The following SPAG17 variants were observed in gnomAD, a reference collection of about 807,000 sequenced individuals.
SPAG17 encodes sperm associated antigen 17, also known as sperm-associated antigen 17.
Under a neutral mutation model 273.6 loss-of-function variants are expected in SPAG17, and 169 were observed. The ratio of observed to expected loss-of-function variants is 0.62; its 90% confidence interval spans 0.55 to 0.70. The LOEUF is 0.70. SPAG17 is among the 30% of genes least tolerant of loss of function. SPAG17 has a pLI of 0.00. For missense variants in SPAG17, 2,557 were observed against 2,627.8 expected (o/e 0.97, Z 0.59); for synonymous variants, 825 against 873.2 (o/e 0.94, Z 0.97).
chr1:117,992,474 A>T lies in SPAG17; in HGVS notation c.5353T>A (p.Ser1785Thr). Reference protein sequence around the residue: ...KNEVKLRLQVSLKDYINYILK... With the variant: ...KNEVKLRLQVTLKDYINYILK... ...CACCTAGATTCCATTACCTTAAGGGAAACCTGCAGCCTCAGTTTCACCTCA... is the reference window on the plus strand; with the variant it reads ...CACCTAGATTCCATTACCTTAAGGGTAACCTGCAGCCTCAGTTTCACCTCA... The change falls in exon 36 of 49, where the codon TCC (serine) becomes ACC (threonine). Residue 1785 changes from serine (S) to threonine (T), a missense_variant. Coordinates refer to ENST00000336338, the MANE Select transcript of SPAG17 (RefSeq NM_206996.4). The T allele has an allele frequency of 1.9e-6, 3 of 1,607,890 alleles. No individual in the cohort carries two copies. Among genetic ancestry groups the T allele is most frequent in the Non-Finnish European group, 2.5e-6 (3 of 1,177,948 alleles).
chr1:118,110,260 A>G (rs1373476338), intron 4 of SPAG17, among the ~76,000 whole-genome samples: 1 of 152,218 alleles, frequency 6.6e-6, no homozygotes, highest in Non-Finnish European at 1.5e-5. Context: ...TAGAGTGGAC[A>G]CTGTGATAAT....
intron 21 of SPAG17, among the ~76,000 whole-genome samples, 181 bp downstream of exon 21, chr1:118,041,622 T>C (rs1005689170): frequency 6.6e-6 from 1 of 152,054 alleles, no homozygotes; most frequent in Non-Finnish European, 1.5e-5. Flanking sequence ...ATCTTGATGA[T>C]TGGTTAGAAA....
intron 43 of SPAG17, among the ~76,000 whole-genome samples, chr1:117,980,954 A>G (rs181601640): frequency 2.2e-4 from 33 of 152,220 alleles, no homozygotes; most frequent in Non-Finnish European, 4.6e-4. Context: ...GTGTCATCTG[A>G]TCTTCAATAA....
intron 3 of SPAG17, among the ~76,000 whole-genome samples, chr1:118,132,670 T>C (rs1658117359): frequency 6.6e-6 from 1 of 152,218 alleles, no homozygotes; most frequent in African/African-American, 2.4e-5. Flanking sequence ...TATTCTAATT[T>C]AGACAGAGGC....
chr1:117,977,483 C>T (rs1165478021), intron 43 of SPAG17, among the ~76,000 whole-genome samples: 1 of 152,178 alleles, frequency 6.6e-6, no homozygotes, highest in African/African-American at 2.4e-5. Flanking sequence ...CTCCAGGTTT[C>T]AGTTTCCTTA....
intron 20 of SPAG17, among the ~76,000 whole-genome samples, chr1:118,044,082 TA>T (rs1299198185): frequency 1.3e-5 from 2 of 152,338 alleles, no homozygotes; most frequent in East Asian, 3.8e-4. Context: ...TTTATTATTA[TA>T]TGTAAATTTT....
chr1:118,036,456 TACATAC>T (rs1411784196), intron 24 of SPAG17, among the ~76,000 whole-genome samples: 1 of 152,110 alleles, frequency 6.6e-6, no homozygotes, highest in East Asian at 1.9e-4. Flanking sequence ...TATACATGTA[TACATAC>T]ATGTATATAT....
At chr1:118,077,654 G>T (rs1654213689) in intron 15 of SPAG17, among the ~76,000 whole-genome samples, 1 of 152,108 alleles carries the variant, frequency 6.6e-6, no homozygotes, top group African/African-American at 2.4e-5. Context: ...AGTCCCATAG[G>T]ATACACTATC....
At chr1:118,040,865 TGA>T in intron 21 of SPAG17, 24 bp from the exon 22 acceptor site, 1 of 1,453,380 alleles carries the variant, frequency 6.9e-7, no homozygotes, top group Non-Finnish European at 9.7e-7. Flanking sequence ...TATTATGCTT[TGA>T]GTGTGAAGCT....
intron 1 of SPAG17, among the ~76,000 whole-genome samples, chr1:118,157,268 T>C (rs1242861072): frequency 6.6e-6 from 1 of 152,138 alleles, no homozygotes; most frequent in Non-Finnish European, 1.5e-5. Context: ...GAGAAAATAT[T>C]AAGGAGGGCA....
chr1:118,006,011 C>T (rs1319676650), intron 31 of SPAG17, among the ~76,000 whole-genome samples: 2 of 152,136 alleles, frequency 1.3e-5, no homozygotes, highest in Admixed American at 6.5e-5. Flanking sequence ...GCGATAAGTG[C>T]TCTTAGAAAC....
chr1:118,117,926 C>A (rs1657187693), intron 3 of SPAG17, among the ~76,000 whole-genome samples: 1 of 152,238 alleles, frequency 6.6e-6, no homozygotes, highest in Non-Finnish European at 1.5e-5. Flanking sequence ...AAAGTCTATG[C>A]TGAACTCAAA....
At chr1:117,960,276 C>G (rs964194927) in intron 48 of SPAG17, 2 of 152,048 alleles carry the variant, frequency 1.3e-5, no homozygotes, top group African/African-American at 4.8e-5. Context: ...TCCCCAAAGT[C>G]TTAAGTACTA....
chr1:118,083,172 T>C (rs758990337), intron 13 of SPAG17, among the ~76,000 whole-genome samples: 26 of 152,136 alleles, frequency 1.7e-4, no homozygotes, highest in Admixed American at 5.9e-4. Context: ...GCCAGGCTGG[T>C]CTCAAACTCC....
At chr1:117,977,522 C>T (rs1655273602) in intron 43 of SPAG17, among the ~76,000 whole-genome samples, 1 of 152,102 alleles carries the variant, frequency 6.6e-6, no homozygotes, top group East Asian at 1.9e-4. Flanking sequence ...GTAGGTGATT[C>T]ACCTCTTAAA....
intron 14 of SPAG17, 46 bp from the exon 15 acceptor site, chr1:118,081,365 T>A (rs1370036598): frequency 3.1e-6 from 5 of 1,611,914 alleles, no homozygotes; most frequent in Non-Finnish European, 4.2e-6. Context: ...TGAGAAAAAT[T>A]GACGATCATA....
intron 48 of SPAG17, chr1:117,961,583 T>A (rs1221901918): frequency 6.6e-6 from 1 of 152,216 alleles, no homozygotes; most frequent in Non-Finnish European, 1.5e-5. Flanking sequence ...TCTGTCTGAA[T>A]TTGGTCATTG....
intron 3 of SPAG17, among the ~76,000 whole-genome samples, chr1:118,144,726 C>G (rs1172822619): frequency 6.6e-6 from 1 of 152,188 alleles, no homozygotes; most frequent in Non-Finnish European, 1.5e-5. Flanking sequence ...ACGGAAAGAT[C>G]CGCAGATTCT....
rs1331534383 is a variant in SPAG17 at position 118,081,136 on chromosome 1, C to T, written c.2174G>A (p.Ser725Asn). ...PDNRQLLEQE[S>N]IMKAQPQHES... ...ATGTTGGGGCTGAGCCTTCATGATG[C>T]TCTCCTGCTCTAACAGCTGTCTATT... is the stretch of plus-strand genomic sequence containing the variant. Residue 725 changes from serine to asparagine, a missense_variant, in exon 15 of 49, where the codon AGC (serine) becomes AAC (asparagine). Ser to Asn is a conservative substitution (Grantham distance 46). Coordinates refer to ENST00000336338, the MANE Select transcript of SPAG17 (RefSeq NM_206996.4). The T allele has an allele frequency of 1.2e-6, 2 of 1,613,846 alleles. No individual in the cohort carries two copies. Among genetic ancestry groups the T allele is most frequent in the African/African-American group, 1.3e-5 (1 of 74,880 alleles).
Sources: gnomAD v4.1 joint callset for allele counts (sites outside exome capture counted in the v4.1 genomes callset) on GRCh38, gnomAD v4.1.1 for gene constraint, MANE v1.5 for transcripts, NCBI Gene and HGNC (gene_info 2026-07-23, HGNC 2026-07-21) for gene names.